BCHE: variants seen among roughly 807,000 people sequenced by gnomAD.
BCHE encodes the protein butyrylcholinesterase, also known as cholinesterase.
In BCHE, 48 loss-of-function variants were observed where a neutral mutation model predicts 51.3. The ratio of observed to expected loss-of-function variants is 0.94; its 90% confidence interval spans 0.74 to 1.19. The LOEUF is 1.19. Ranked by LOEUF, BCHE falls within the 50% of genes most tolerant of loss-of-function variation. The probability of loss-of-function intolerance (pLI) is 0.00; values close to 1 mark genes in which losing one functional copy is unlikely to be tolerated. For missense variants in BCHE, 847 were observed against 708.2 expected, an observed-to-expected ratio of 1.20 and a Z score of -2.23; for synonymous variants, 251 against 238.0, an observed-to-expected ratio of 1.05 and a Z score of -0.50.
chr3:165,787,597 G>A (rs1299655147), intron 2 of BCHE, among the ~76,000 whole-genome samples: 4 of 151,900 alleles, frequency 2.6e-5, no homozygotes, highest in East Asian at 3.9e-4. Context: ...AAGGAAAGTC[G>A]GGAAAGCTAG....
At chr3:165,819,295 C>T (rs2108227343) in intron 2 of BCHE, among the ~76,000 whole-genome samples, 1 of 151,864 alleles carries the variant, frequency 6.6e-6, no homozygotes, top group East Asian at 1.9e-4. Flanking sequence ...CCAGGCAGAT[C>T]TCGAACTCCT....
At chr3:165,815,158 A>G (rs1316701813) in intron 2 of BCHE, among the ~76,000 whole-genome samples, 1 of 151,386 alleles carries the variant, frequency 6.6e-6, no homozygotes, top group Non-Finnish European at 1.5e-5. Context: ...TACTTACAGT[A>G]TGTATCTGGA....
chr3:165,773,361 T>C lies in BCHE; in HGVS notation c.*21A>G, dbSNP rs1401287535. On this transcript the variant is annotated 3_prime_UTR_variant, in exon 4 of 4. Transcript: ENST00000264381. ...CCTTGATCTAAAGGAAAATATGTTC[T>C]ATAAAGGGTAAATCTATTAATTAGA... The C allele has an allele frequency of 2.5e-6, 4 of 1,604,702 alleles. No homozygotes were observed. Among genetic ancestry groups the C allele is most frequent in the Admixed American group, 1.7e-5 (1 of 59,694 alleles).
intron 2 of BCHE, among the ~76,000 whole-genome samples, chr3:165,788,626 A>AAT (rs1256232409): frequency 3.3e-5 from 5 of 152,090 alleles, no homozygotes; most frequent in Non-Finnish European, 7.4e-5. Context: ...ATGTTCCTAA[A>AAT]TTGTCCAGTT....
intron 1 of BCHE, among the ~76,000 whole-genome samples, chr3:165,837,038 T>A (rs1715214142): frequency 6.6e-6 from 1 of 152,166 alleles, no homozygotes; most frequent in Non-Finnish European, 1.5e-5. Context: ...TCACAGTGAT[T>A]CCACACGTGC....
Position 165,829,587 on chromosome 3 carries a change from T to G in BCHE, c.1447A>C (p.Asn483His), listed in dbSNP as rs1714865890. 1 of 1,613,838 alleles carries G rather than the reference T, an allele frequency of 6.2e-7. No homozygotes were observed. Among genetic ancestry groups the G allele is most frequent in the African/African-American group, 1.3e-5 (1 of 75,022 alleles). Residue 483 changes from asparagine (N) to histidine (H), a missense_variant, in exon 2 of 4, where the codon AAT becomes CAT. Asn to His is a moderately conservative substitution (Grantham distance 68, BLOSUM62 1). Transcript: ENST00000264381. ...VFGLPLERRD[N>H]YTKAEEILSR... is the part of the protein sequence containing the mutation. Reference sequence around the variant, plus strand: ...AAAATTTCCTCGGCTTTTGTGTAATTATCTCTTCTTTCCAGAGGTAAACCA... The same window carrying G: ...AAAATTTCCTCGGCTTTTGTGTAATGATCTCTTCTTTCCAGAGGTAAACCA...
chr3:165,810,818 T>C (rs971291546), intron 2 of BCHE, among the ~76,000 whole-genome samples: 3 of 152,150 alleles, frequency 2.0e-5, no homozygotes, highest in Non-Finnish European at 4.4e-5. Flanking sequence ...TACTGTTAAA[T>C]GAAGAACTGG....
Position 165,829,782 on chromosome 3 carries a change from C to T in BCHE, c.1252G>A (p.Gly418Ser), listed in dbSNP as rs1714878195. The T allele has an allele frequency of 6.2e-7, 1 of 1,613,750 alleles. No individual in the cohort carries two copies. Among genetic ancestry groups the T allele is most frequent in the South Asian group, 1.1e-5 (1 of 91,082 alleles). ...QRPENYREALGDVVGDYNFIC... is the reference protein window; with the variant it reads ...QRPENYREALSDVVGDYNFIC... Reference sequence around the variant, plus strand: ...AAATTATAATCCCCAACAACATCACCCAAGGCCTCACGGTAGTTTTCAGGT... The same window carrying T: ...AAATTATAATCCCCAACAACATCACTCAAGGCCTCACGGTAGTTTTCAGGT... Residue 418 changes from glycine (G) to serine (S), a missense_variant, in exon 2 of 4, where the codon GGT (glycine) becomes AGT (serine). By Grantham distance (56) the Gly-to-Ser change is moderately conservative (BLOSUM62 0). Coordinates refer to ENST00000264381, the MANE Select transcript of BCHE (RefSeq NM_000055.4).
rs1553778274 is a variant in BCHE, at chr3:165,830,849, G to A, written c.185C>T (p.Ala62Val). 6.2e-7 allele frequency: 1 copy of A among 1,613,936 alleles called. No individual in the cohort carries two copies. Among genetic ancestry groups the A allele is most frequent in the Non-Finnish European group, 8.5e-7 (1 of 1,179,916 alleles). Residue 62 changes from alanine (A) to valine (V), a missense_variant, in exon 2 of 4, where the codon GCA (alanine) becomes GTA (valine). Physicochemically the swap from Ala to Val is moderately conservative, Grantham distance 64. Coordinates refer to ENST00000264381, the MANE Select transcript of BCHE (RefSeq NM_000055.4). ...TVTAFLGIPY[A>V]QPPLGRLRFK... Reference sequence around the variant, plus strand: ...TCGAAGTCTACCAAGAGGTGGCTGTGCATAGGGAATTCCAAGAAAGGCTGT... The same window carrying A: ...TCGAAGTCTACCAAGAGGTGGCTGTACATAGGGAATTCCAAGAAAGGCTGT...
intron 3 of BCHE, among the ~76,000 whole-genome samples, chr3:165,783,961 A>G (rs1244626248): frequency 6.6e-6 from 1 of 152,030 alleles, no homozygotes; most frequent in Non-Finnish European, 1.5e-5. Flanking sequence ...ACAAGTTTCA[A>G]GAATCATTTT....
chr3:165,784,234 G>A (rs1188247961), intron 3 of BCHE, among the ~76,000 whole-genome samples: 1 of 151,736 alleles, frequency 6.6e-6, no homozygotes, highest in Non-Finnish European at 1.5e-5. Flanking sequence ...TATAAGATAT[G>A]GCAAGAACAT....
intron 2 of BCHE, among the ~76,000 whole-genome samples, chr3:165,826,177 C>A (rs1169460917): frequency 6.6e-6 from 1 of 152,134 alleles, no homozygotes; most frequent in Non-Finnish European, 1.5e-5. Flanking sequence ...AAAACATCTT[C>A]TACAACAAGA....
chr3:165,798,885 A>C (rs536329924), intron 2 of BCHE, among the ~76,000 whole-genome samples: 28 of 152,120 alleles, frequency 1.8e-4, no homozygotes, highest in African/African-American at 5.5e-4. Context: ...GAAACAAACA[A>C]ACAAATAATA....
At chr3:165,827,362 A>G (rs978989409) in intron 2 of BCHE, among the ~76,000 whole-genome samples, 10 of 151,872 alleles carry the variant, frequency 6.6e-5, no homozygotes, top group African/African-American at 1.9e-4. Context: ...TCTCCATGAC[A>G]TATATGTATT....
At chr3:165,779,337 G>A (rs1195750943) in intron 3 of BCHE, among the ~76,000 whole-genome samples, 1 of 152,022 alleles carries the variant, frequency 6.6e-6, no homozygotes, top group Admixed American at 6.6e-5. Flanking sequence ...GGCAAAAGCT[G>A]GAAGCATTCC....
intron 2 of BCHE, among the ~76,000 whole-genome samples, chr3:165,822,188 A>G (rs1560019409): frequency 1.3e-5 from 2 of 152,010 alleles, no homozygotes; most frequent in African/African-American, 4.8e-5. Flanking sequence ...AGAGGTTCTG[A>G]ATAAATAAAT....
chr3:165,792,519 T>A (rs978689129), intron 2 of BCHE, among the ~76,000 whole-genome samples: 59 of 152,116 alleles, frequency 3.9e-4, no homozygotes, highest in Admixed American at 3.9e-3. Flanking sequence ...TTAGTAATGA[T>A]TAGTAAAATA....
intron 3 of BCHE, among the ~76,000 whole-genome samples, chr3:165,784,422 A>C (rs886977920): frequency 3.9e-5 from 6 of 151,950 alleles, no homozygotes; most frequent in African/African-American, 9.7e-5. Flanking sequence ...AAACCTTATT[A>C]TGGGGGAATT....
At chr3:165,803,257 C>T (rs1211291198) in intron 2 of BCHE, among the ~76,000 whole-genome samples, 1 of 152,082 alleles carries the variant, frequency 6.6e-6, no homozygotes. Context: ...CGAAAAGTCC[C>T]ATCTTTTTAG....
Sources: allele counts gnomAD v4.1 joint callset (sites outside exome capture counted in the v4.1 genomes callset), GRCh38; gene constraint gnomAD v4.1.1; transcripts MANE v1.5; gene names NCBI Gene and HGNC (gene_info 2026-07-23, HGNC 2026-07-21).